The following TCAIM variants were observed in gnomAD, a reference collection of about 807,000 sequenced individuals.
The protein encoded by TCAIM is T-cell activation inhibitor, mitochondrial.
In TCAIM, 36 loss-of-function variants were observed where a neutral mutation model predicts 58.6. That is an observed-to-expected ratio of 0.61 (90% CI 0.47 to 0.81). TCAIM has a LOEUF of 0.81. Among genes scored for constraint, TCAIM ranks in the 30% least tolerant of loss-of-function variants. The pLI, the probability that TCAIM is intolerant of heterozygous loss-of-function variation, is 0.00. For missense variants in TCAIM, 466 were observed against 579.6 expected (o/e 0.80, Z 2.01); for synonymous variants, 172 against 193.6 (o/e 0.89, Z 0.93).
upstream of TCAIM, chr3:44,338,663 G>A (rs1436374057): frequency 6.6e-6 from 1 of 152,418 alleles, no homozygotes; most frequent in Non-Finnish European, 1.5e-5. Context: ...CGGGGCGAGG[G>A]CAGGTGGGAG....
At chr3:44,380,331 T>TA (rs1031085847) in intron 5 of TCAIM, among the ~76,000 whole-genome samples, 30 of 152,272 alleles carry the variant, frequency 2.0e-4, no homozygotes, top group African/African-American at 7.2e-4. Flanking sequence ...ATATACCAAT[T>TA]ACACTGATTT....
chr3:44,396,542 G>T, intron 7 of TCAIM, 45 bp downstream of exon 7: 3 of 1,553,804 alleles, frequency 1.9e-6, no homozygotes, highest in Non-Finnish European at 2.6e-6. Flanking sequence ...TAGCTGCTAT[G>T]TACGTCTATA....
At chr3:44,348,096 G>A (rs1344790227) in intron 1 of TCAIM, among the ~76,000 whole-genome samples, 5 of 152,240 alleles carry the variant, frequency 3.3e-5, no homozygotes, top group Non-Finnish European at 5.9e-5. Context: ...AAGAGGTTTA[G>A]AAGCCTGGCC....
chr3:44,345,578 AAG>A (rs1700950090), intron 1 of TCAIM, among the ~76,000 whole-genome samples: 1 of 152,312 alleles, frequency 6.6e-6, no homozygotes, highest in Admixed American at 6.5e-5. Flanking sequence ...TTTTGGAGGA[AAG>A]AGAAATACAA....
At chr3:44,358,176 T>C (rs4682970) in intron 3 of TCAIM, 1,390,502 of 1,553,566 alleles carry the variant, frequency 0.9, 624,361 homozygotes, top group East Asian at 1. Flanking sequence ...CTTGAGACCT[T>C]TATTATCATG....
intron 1 of TCAIM, among the ~76,000 whole-genome samples, chr3:44,345,204 G>T (rs1214852054): frequency 6.6e-6 from 1 of 152,130 alleles, no homozygotes. Flanking sequence ...AAGATTCTGT[G>T]GTAAGAGGTG....
chr3:44,361,300 A>C (rs1701291409), intron 3 of TCAIM, 65 bp from the exon 4 acceptor site: 26 of 1,381,500 alleles, frequency 1.9e-5, no homozygotes, highest in Non-Finnish European at 2.6e-5. Flanking sequence ...AAGGTTAGAT[A>C]GATATCATTT....
chr3:44,357,343 C>A (rs567383341), intron 2 of TCAIM, among the ~76,000 whole-genome samples: 5 of 148,906 alleles, frequency 3.4e-5, no homozygotes, highest in African/African-American at 1.2e-4. Flanking sequence ...AAGACTCTGT[C>A]TGAAAGAAAA....
chr3:44,368,713 A>C (rs1329913800), intron 5 of TCAIM, among the ~76,000 whole-genome samples: 1 of 152,200 alleles, frequency 6.6e-6, no homozygotes, highest in Non-Finnish European at 1.5e-5. Context: ...AAGTAATGAC[A>C]CAGTAAGAAG....
rs1326643861 is a variant in TCAIM at position 44,392,924 on chromosome 3, A to G, written c.642A>G (p.Glu214=). The G allele has an allele frequency of 6.2e-7, 1 of 1,613,552 alleles. No homozygotes were observed. Among genetic ancestry groups the G allele is most frequent in the Non-Finnish European group, 8.5e-7 (1 of 1,179,668 alleles). ...AGAACAGTTTGCCACTTAGAAAAGA[A>G]CTAGATCGTTTAAAAGATGAACTGT... ...KLKNSLPLRK[E]LDRLKDELSH... Residue 214 remains glutamate (E), a synonymous_variant, in exon 6 of 11, where the codon GAA becomes GAG. Transcript: ENST00000342649.
At chr3:44,341,618 T>G (rs1385773155) in intron 1 of TCAIM, among the ~76,000 whole-genome samples, 1 of 152,210 alleles carries the variant, frequency 6.6e-6, no homozygotes, top group Admixed American at 6.5e-5. Context: ...AATTTGTTTT[T>G]GAATAAAATG....
In TCAIM at chr3:44,367,306, G is replaced by A. The variant is rs1031590617; in HGVS notation, c.320-150G>A. The A allele has an allele frequency of 6.0e-6, 5 of 833,174 alleles. No homozygotes were observed. The Admixed American group carries it at 9.5e-5, about 16-fold the overall frequency. 51.6% of individuals were successfully genotyped at this position (833,174 alleles called of 1,614,324 possible). On this transcript the variant is annotated intron_variant, in intron 4 of 10. Transcript: ENST00000342649. Reference sequence around the variant, plus strand: ...AAAAATAGTGTGGTGTAGTTTTAGAGAAGGGAAGTCATTTTCCATTTACAG... The same window carrying A: ...AAAAATAGTGTGGTGTAGTTTTAGAAAAGGGAAGTCATTTTCCATTTACAG...
chr3:44,350,409 C>T (rs1024383976), intron 1 of TCAIM, among the ~76,000 whole-genome samples: 5 of 152,022 alleles, frequency 3.3e-5, no homozygotes, highest in African/African-American at 1.2e-4. Flanking sequence ...CTCCCGAAGG[C>T]CCCACTTCCT....
At chr3:44,346,620 A>G (rs915303010) in intron 1 of TCAIM, among the ~76,000 whole-genome samples, 2 of 152,230 alleles carry the variant, frequency 1.3e-5, no homozygotes, top group Non-Finnish European at 2.9e-5. Context: ...AGAGATTCTA[A>G]GAGGCACGCT....
chr3:44,376,084 C>T (rs1701561060), intron 5 of TCAIM, among the ~76,000 whole-genome samples: 1 of 152,196 alleles, frequency 6.6e-6, no homozygotes, highest in Admixed American at 6.5e-5. Context: ...CAACCACATA[C>T]TGTGTGATTC....
intron 4 of TCAIM, among the ~76,000 whole-genome samples, chr3:44,366,654 G>C (rs922113252): frequency 3.3e-5 from 5 of 151,412 alleles, no homozygotes; most frequent in Non-Finnish European, 7.4e-5. Flanking sequence ...TTTTAGTAGA[G>C]ACGGGGTTTC....
Position 44,407,774 on chromosome 3 carries a change from C to T in TCAIM, c.*92C>T, listed in dbSNP as rs558341274. ...CAATTTGATATAACAGTATTATTTACATAAGAACAAAGTTTCTAACTGCTG... is the reference window on the plus strand; with the variant it reads ...CAATTTGATATAACAGTATTATTTATATAAGAACAAAGTTTCTAACTGCTG... On this transcript the variant is annotated 3_prime_UTR_variant, in exon 11 of 11. Coordinates refer to ENST00000342649, the MANE Select transcript of TCAIM (RefSeq NM_173826.4). 8.2e-5 allele frequency: 106 copies of T among 1,285,744 alleles called. 2 individuals carry two copies. In the South Asian group the frequency reaches 1.8e-3, roughly 22 times the overall value. The allele number at this position is 1,285,744 out of a possible 1,614,324, so 79.6% of individuals were successfully genotyped here.
In TCAIM at chr3:44,355,804, A is replaced by G. The variant is rs539924954; in HGVS notation, c.29+993A>G. Reference sequence around the variant, plus strand: ...CCCTGGCCTTCTGTAACCAGGCTGAATTTAGAAAGATAATAATGACTCATA... The same window carrying G: ...CCCTGGCCTTCTGTAACCAGGCTGAGTTTAGAAAGATAATAATGACTCATA... On this transcript the variant is annotated intron_variant, in intron 2 of 10. Coordinates refer to ENST00000342649, the MANE Select transcript of TCAIM (RefSeq NM_173826.4). Among the ~76,000 whole-genome samples the G allele has an allele frequency of 9.3e-4, 141 of 152,322 alleles. 2 individuals carry two copies. Among genetic ancestry groups the G allele is most frequent in the African/African-American group, 3.3e-3 (139 of 41,566 alleles).
At chr3:44,346,741 C>T (rs1261321813) in intron 1 of TCAIM, among the ~76,000 whole-genome samples, 1 of 152,172 alleles carries the variant, frequency 6.6e-6, no homozygotes, top group African/African-American at 2.4e-5. Context: ...CTGCCGCGTG[C>T]AGACATGAAG....
Sources: allele counts gnomAD v4.1 joint callset (sites outside exome capture counted in the v4.1 genomes callset), GRCh38; gene constraint gnomAD v4.1.1; transcripts MANE v1.5; gene names NCBI Gene and HGNC (gene_info 2026-07-23, HGNC 2026-07-21).